DCLK1: variants seen among roughly 807,000 people sequenced by gnomAD.
DCLK1 encodes the protein serine/threonine-protein kinase DCLK1.
Under a neutral mutation model 86.2 loss-of-function variants are expected in DCLK1, and 16 were observed. The ratio of observed to expected loss-of-function variants is 0.19; its 90% CI spans 0.13 to 0.28. The LOEUF (loss-of-function observed/expected upper bound fraction) is 0.28. Ranked by LOEUF, DCLK1 falls within the 10% of genes least tolerant of loss-of-function variation. The pLI is 1.00. For missense variants in DCLK1, 590 were observed against 940.2 expected (o/e 0.63, Z 4.87); for synonymous variants, 369 against 370.5 (o/e 1.00, Z 0.05).
At chr13:35,862,048 A>AAC (rs1417302856) in intron 5 of DCLK1, among the ~76,000 whole-genome samples, 1 of 142,318 alleles carries the variant, frequency 7.0e-6, no homozygotes, top group Non-Finnish European at 1.5e-5. Context: ...AAAAAAAAAA[A>AAC]AAAAAAAAGA....
chr13:35,983,359 T>C (rs1879754021), intron 3 of DCLK1, among the ~76,000 whole-genome samples: 1 of 152,038 alleles, frequency 6.6e-6, no homozygotes, highest in Middle Eastern at 3.2e-3. Flanking sequence ...TGGTGGAGCA[T>C]GTTAATCTCT....
intron 3 of DCLK1, among the ~76,000 whole-genome samples, chr13:36,067,893 C>T (rs1883824090): frequency 6.6e-6 from 1 of 152,162 alleles, no homozygotes; most frequent in Non-Finnish European, 1.5e-5. Flanking sequence ...CACTAATCTG[C>T]TTTGTTTTCA....
chr13:35,990,760 T>A (rs1880184820), intron 3 of DCLK1, among the ~76,000 whole-genome samples: 1 of 150,842 alleles, frequency 6.6e-6, no homozygotes, highest in African/African-American at 2.4e-5. Flanking sequence ...CTTAAAATGT[T>A]ACTATTTTTG....
chr13:35,954,624 G>T (rs2153135108), intron 3 of DCLK1, among the ~76,000 whole-genome samples: 1 of 152,200 alleles, frequency 6.6e-6, no homozygotes, highest in South Asian at 2.1e-4. Context: ...ATTCTTTGAT[G>T]ATAAATTTAT....
intron 5 of DCLK1, among the ~76,000 whole-genome samples, chr13:35,860,709 G>A (rs570174102): frequency 6.6e-6 from 1 of 152,322 alleles, no homozygotes; most frequent in African/African-American, 2.4e-5. Flanking sequence ...CACAGTCACT[G>A]TAGAATGCAC....
intron 3 of DCLK1, among the ~76,000 whole-genome samples, chr13:36,093,381 A>G (rs1791627421): frequency 6.6e-6 from 1 of 152,256 alleles, no homozygotes; most frequent in Non-Finnish European, 1.5e-5. Context: ...TATTTGCTAC[A>G]GTGAATCTCC....
At chr13:35,956,644 T>C (rs1209366780) in intron 3 of DCLK1, among the ~76,000 whole-genome samples, 1 of 152,306 alleles carries the variant, frequency 6.6e-6, no homozygotes, top group African/African-American at 2.4e-5. Flanking sequence ...GAGGTGTTCA[T>C]AGCAGGAGTC....
intron 3 of DCLK1, among the ~76,000 whole-genome samples, chr13:35,961,379 G>C (rs1175558118): frequency 1.3e-5 from 2 of 152,120 alleles, no homozygotes; most frequent in African/African-American, 4.8e-5. Context: ...TAAATCAGTG[G>C]TTTCCAGTTT....
intron 3 of DCLK1, among the ~76,000 whole-genome samples, chr13:35,987,728 G>C (rs1157037931): frequency 6.6e-6 from 1 of 152,142 alleles, no homozygotes; most frequent in Non-Finnish European, 1.5e-5. Context: ...TGAGTAACGC[G>C]GCCACAGTGG....
At chr13:35,980,074 G>A (rs1209237951) in intron 3 of DCLK1, among the ~76,000 whole-genome samples, 1 of 152,110 alleles carries the variant, frequency 6.6e-6, no homozygotes, top group Non-Finnish European at 1.5e-5. Context: ...GCAGTGCTAC[G>A]AACATTCACA....
intron 3 of DCLK1, among the ~76,000 whole-genome samples, chr13:36,100,985 C>T (rs991235410): frequency 1.3e-5 from 2 of 152,188 alleles, no homozygotes; most frequent in African/African-American, 4.8e-5. Context: ...TTAAAAACAG[C>T]CCACATCTTT....
chr13:35,841,179 TAAATTTAGAATAC>T (rs1176275115), intron 6 of DCLK1, among the ~76,000 whole-genome samples: 1 of 152,216 alleles, frequency 6.6e-6, no homozygotes. Flanking sequence ...CGTGGCGTTT[TAAATTTAGAATAC>T]AAAGACACAT....
intron 4 of DCLK1, among the ~76,000 whole-genome samples, chr13:35,910,310 T>C (rs143585810): frequency 8.4e-4 from 128 of 152,342 alleles, no homozygotes; most frequent in African/African-American, 2.9e-3. Context: ...AATCAATCTG[T>C]GATCTGCCTC....
intron 4 of DCLK1, among the ~76,000 whole-genome samples, chr13:35,906,525 A>G (rs1874700640): frequency 6.6e-6 from 1 of 152,190 alleles, no homozygotes; most frequent in Non-Finnish European, 1.5e-5. Flanking sequence ...GATGGTAAAG[A>G]GCAACAGGCA....
rs554852534 is a variant in DCLK1, at chr13:35,775,161, G to A, written c.2059-462C>T. On this transcript the variant is annotated intron_variant, in intron 16 of 16. Transcript: ENST00000360631. ...GAAGTTGTCAGTCAGACATGGAAAC[G>A]GAGCCACGGCTCATCCTGTTCTTTT... is the stretch of plus-strand genomic sequence containing the variant. Among the ~76,000 whole-genome samples the A allele has an allele frequency of 2.0e-5, 3 of 152,206 alleles. No individual in the cohort carries two copies. In the South Asian group the frequency reaches 6.2e-4, roughly 32 times the overall value.
chr13:36,008,186 G>A (rs1593812149), intron 3 of DCLK1, among the ~76,000 whole-genome samples: 1 of 69,440 alleles, frequency 1.4e-5, no homozygotes, highest in South Asian at 4.7e-4. Context: ...TTTTTTCAGA[G>A]TCCACAGAGC....
At chr13:35,883,143 G>C (rs1197928461) in intron 4 of DCLK1, among the ~76,000 whole-genome samples, 5 of 152,194 alleles carry the variant, frequency 3.3e-5, no homozygotes, top group African/African-American at 1.2e-4. Flanking sequence ...TTTACTCTAA[G>C]CAAGATGAGA....
chr13:35,786,709 AAAG>A (rs1192933591), intron 16 of DCLK1, among the ~76,000 whole-genome samples: 6 of 152,226 alleles, frequency 3.9e-5, no homozygotes. Context: ...CAAAGTCAAA[AAAG>A]AAGGGTCTGC....
rs1209444942 is a variant in DCLK1, at chr13:36,049,008, T to C, written c.723+62861A>G. 2.6e-5 allele frequency among the ~76,000 whole-genome samples: 4 copies of C among 152,164 alleles called. No individual in the cohort carries two copies. The East Asian group carries it at 7.7e-4, about 29-fold the overall frequency. On this transcript the variant is annotated intron_variant, in intron 3 of 16. Coordinates refer to ENST00000360631, the MANE Select transcript of DCLK1 (RefSeq NM_001330071.2). ...TTCCTACCCATGATGATTTACCTTA[T>C]CTCCTCATCTTATCTCATTCTGTTT...
Sources: gnomAD v4.1 joint callset for allele counts (sites outside exome capture counted in the v4.1 genomes callset) on GRCh38, gnomAD v4.1.1 for gene constraint, MANE v1.5 for transcripts, NCBI Gene and HGNC (gene_info 2026-07-23, HGNC 2026-07-21) for gene names.